MTCL1: variants seen among roughly 807,000 people sequenced by gnomAD.
MTCL1 encodes microtubule cross-linking factor 1.
Under a neutral mutation model 141.4 loss-of-function variants are expected in MTCL1, and 79 were observed. The observed-to-expected ratio is 0.56, with a 90% CI of 0.47 to 0.67. The LOEUF is 0.67. Among genes scored for constraint, MTCL1 ranks in the 30% least tolerant of loss-of-function variants. The pLI is 0.00. For synonymous variants in MTCL1, 914 were observed against 875.8 expected, an observed-to-expected ratio of 1.04 and a Z score of -0.77; for missense variants, 2,177 against 2,113.9, an observed-to-expected ratio of 1.03 and a Z score of -0.59.
chr18:8,731,104 C>T (rs957972052), intron 4 of MTCL1, among the ~76,000 whole-genome samples: 4 of 151,708 alleles, frequency 2.6e-5, no homozygotes, highest in Non-Finnish European at 2.9e-5. Flanking sequence ...AATTAGCCGG[C>T]CGTGGTGGCG....
At chr18:8,713,352 G>A (rs1228214692), upstream of MTCL1, among the ~76,000 whole-genome samples, 7 of 152,098 alleles carry the variant, frequency 4.6e-5, no homozygotes, top group African/African-American at 9.7e-5. Context: ...TCTTATTTCC[G>A]TGTATAAAAA....
intron 2 of MTCL1, among the ~76,000 whole-genome samples, chr18:8,718,182 C>T (rs2096142532): frequency 6.6e-6 from 1 of 151,972 alleles, no homozygotes; most frequent in African/African-American, 2.4e-5. Flanking sequence ...TCTGAGAGGC[C>T]ACAATGAATA....
At chr18:8,826,291 G>A (rs2077024851) in intron 15 of MTCL1, 59 bp downstream of exon 14, 2 of 1,423,368 alleles carry the variant, frequency 1.4e-6, no homozygotes, top group Admixed American at 2.5e-5. Context: ...TAGCTGTGGG[G>A]CAGGTTGGGA....
chr18:8,765,335 C>T (rs1299861488), intron 4 of MTCL1, among the ~76,000 whole-genome samples: 2 of 152,212 alleles, frequency 1.3e-5, no homozygotes, highest in Non-Finnish European at 1.5e-5. Flanking sequence ...CCAGTGAGCC[C>T]AAGGGGCAAG....
intron 4 of MTCL1, among the ~76,000 whole-genome samples, chr18:8,770,422 C>A (rs992282546): frequency 2.0e-5 from 3 of 152,340 alleles, no homozygotes; most frequent in African/African-American, 2.4e-5. Flanking sequence ...GAGTTGGGTT[C>A]TGGTGAGGAC....
chr18:8,776,145 T>A (rs2096507374), intron 4 of MTCL1, among the ~76,000 whole-genome samples: 2 of 152,178 alleles, frequency 1.3e-5, no homozygotes, highest in Admixed American at 6.5e-5. Context: ...AGACCTCAGA[T>A]GAGGCCCTGG....
At chr18:8,805,765 C>G (rs2076278396) in intron 10 of MTCL1, among the ~76,000 whole-genome samples, 1 of 152,136 alleles carries the variant, frequency 6.6e-6, no homozygotes, top group African/African-American at 2.4e-5. Flanking sequence ...TTCATACATG[C>G]ACCAAAAAAG....
At chr18:8,820,014 A>G (rs1436099356) in intron 13 of MTCL1, among the ~76,000 whole-genome samples, 1 of 152,224 alleles carries the variant, frequency 6.6e-6, no homozygotes, top group Non-Finnish European at 1.5e-5. Flanking sequence ...GAAACCTTAC[A>G]TAAATTAGAC....
chr18:8,815,141 T>TAA (rs2076609444), intron 12 of MTCL1, among the ~76,000 whole-genome samples: 1 of 152,224 alleles, frequency 6.6e-6, no homozygotes. Flanking sequence ...GAAAGGATTA[T>TAA]AAATCATGCT....
intron 4 of MTCL1, among the ~76,000 whole-genome samples, chr18:8,746,257 TG>T (rs1179560655): frequency 6.6e-6 from 1 of 152,172 alleles, no homozygotes; most frequent in Non-Finnish European, 1.5e-5. Context: ...TACTCGGAAG[TG>T]GGATTGCTGG....
intron 1 of MTCL1, 52 bp downstream of exon 1, chr18:8,706,765 C>A (rs1487976017): frequency 1.3e-6 from 2 of 1,536,930 alleles, no homozygotes; most frequent in Non-Finnish European, 1.7e-6. Flanking sequence ...GAGGGCCTGG[C>A]TGCGGCGGGG....
intron 4 of MTCL1, among the ~76,000 whole-genome samples, chr18:8,775,153 C>T (rs1288384937): frequency 2.0e-5 from 3 of 152,222 alleles, no homozygotes; most frequent in Non-Finnish European, 4.4e-5. Context: ...CCAGGGACAG[C>T]AGGCTCTGCC....
exon 15 of MTCL1, chr18:8,825,193 G>A (rs2076978635): frequency 1.9e-6 from 3 of 1,584,636 alleles, no homozygotes; most frequent in Middle Eastern, 1.7e-4. Flanking sequence ...GACACCAAGG[G>A]AGGCCCTCCA....
chr18:8,772,614 A>G (rs1395600349), intron 4 of MTCL1, among the ~76,000 whole-genome samples: 1 of 150,598 alleles, frequency 6.6e-6, no homozygotes, highest in Non-Finnish European at 1.5e-5. Flanking sequence ...TATATGTGTT[A>G]TATATTAGTA....
At chr18:8,717,440 C>T (rs570284607) in intron 1 of MTCL1, 37 of 152,732 alleles carry the variant, frequency 2.4e-4, no homozygotes, top group African/African-American at 7.7e-4. Context: ...CGAGCAGTCT[C>T]AGACCCTGTG....
At chr18:8,756,389 G>A (rs2096398942) in intron 4 of MTCL1, among the ~76,000 whole-genome samples, 1 of 147,748 alleles carries the variant, frequency 6.8e-6, no homozygotes, top group African/African-American at 2.5e-5. Context: ...GTATATATGT[G>A]TATATATGTA....
intron 4 of MTCL1, among the ~76,000 whole-genome samples, chr18:8,749,227 G>A (rs534688449): frequency 6.6e-6 from 1 of 152,354 alleles, no homozygotes; most frequent in East Asian, 1.9e-4. Flanking sequence ...CAGGTGTGCT[G>A]TGGCACCCCC....
intron 4 of MTCL1, among the ~76,000 whole-genome samples, chr18:8,771,918 T>C (rs2096486605): frequency 6.6e-6 from 1 of 152,264 alleles, no homozygotes; most frequent in African/African-American, 2.4e-5. Context: ...GTTCCCTTCA[T>C]TGTTCCTTGG....
chr18:8,823,729 G>A (rs117744436), intron 14 of MTCL1, among the ~76,000 whole-genome samples: 3,170 of 152,306 alleles, frequency 0.021, 63 homozygotes, highest in Non-Finnish European at 0.031. Flanking sequence ...CACATGGACG[G>A]GTGCCTTGCC....
Sources: gnomAD v4.1 joint callset for allele counts (sites outside exome capture counted in the v4.1 genomes callset) on GRCh38, gnomAD v4.1.1 for gene constraint, MANE v1.5 for transcripts, NCBI Gene and HGNC (gene_info 2026-07-23, HGNC 2026-07-21) for gene names.